Variants in SLC26A5 observed in about 807,000 individuals in gnomAD.
SLC26A5 encodes prestin.
SLC26A5 carries 51 observed loss-of-function variants against 81.0 expected under a neutral mutation model. The observed-to-expected ratio is 0.63, with a 90% CI of 0.50 to 0.80. The LOEUF is 0.80. Ranked by LOEUF, SLC26A5 falls within the 30% of genes least tolerant of loss-of-function variation. The pLI is 0.00. For missense variants in SLC26A5, 771 were observed against 905.8 expected, an observed-to-expected ratio of 0.85 and a Z score of 1.91; for synonymous variants, 325 against 332.8, an observed-to-expected ratio of 0.98 and a Z score of 0.25.
intron 4 of SLC26A5, 125 bp downstream of exon 4, chr7:103,420,613 A>G: frequency 7.8e-7 from 1 of 1,284,620 alleles, no homozygotes; most frequent in Non-Finnish European, 1.1e-6. Context: ...GAATACCTTT[A>G]GATAGGTAAA....
At position 103,402,385 on chromosome 7, in the gene SLC26A5, G is replaced by A. The variant is rs1332683833; in HGVS notation, c.889-4371C>T. On this transcript the variant is annotated intron_variant, in intron 8 of 19. Transcript: ENST00000306312. Reference sequence around the variant, plus strand: ...AGTATTCTCTGATGGTAGTTTGTACGTATTGCTCTTTTTTTTTTTTTTTTT... The same window carrying A: ...AGTATTCTCTGATGGTAGTTTGTACATATTGCTCTTTTTTTTTTTTTTTTT... Among the ~76,000 whole-genome samples, 6 of 144,858 alleles carry A rather than the reference G, an allele frequency of 4.1e-5. No individual in the cohort carries two copies. In the Admixed American group the frequency reaches 4.3e-4, roughly 10 times the overall value.
intron 14 of SLC26A5, among the ~76,000 whole-genome samples, chr7:103,387,839 G>A (rs1418507085): frequency 1.3e-5 from 2 of 152,010 alleles, no homozygotes; most frequent in Non-Finnish European, 2.9e-5. Context: ...ACGCCACCAT[G>A]CCCAGCTAAT....
intron 8 of SLC26A5, among the ~76,000 whole-genome samples, chr7:103,399,265 C>A (rs1823389560): frequency 6.6e-6 from 1 of 152,158 alleles, no homozygotes; most frequent in Non-Finnish European, 1.5e-5. Flanking sequence ...GCAAGCTGGT[C>A]ATTTACTTCA....
In SLC26A5 at chr7:103,407,857, G is replaced by A; in HGVS notation, c.882C>T (p.Phe294=). 2 of 1,614,074 alleles carry A rather than the reference G, an allele frequency of 1.2e-6. No individual in the cohort carries two copies. Among genetic ancestry groups the A allele is most frequent in the Non-Finnish European group, 1.7e-6 (2 of 1,179,984 alleles). ...EKLPAPIPLE[F]FAVVMGTGIS... is the part of the protein sequence containing the mutation. The stretch of plus-strand genomic sequence containing the variant: ...CTGACCGAAGGTGACTTACCGCAAA[G>A]AACTCTAAAGGAATAGGCGCCGGCA... Residue 294 remains phenylalanine, a synonymous_variant, in exon 8 of 20, where the codon TTC becomes TTT. Transcript: ENST00000306312.
chr7:103,378,337 T>C (rs1265488515), intron 17 of SLC26A5, 109 bp downstream of exon 17: 5 of 1,104,712 alleles, frequency 4.5e-6, no homozygotes, highest in Non-Finnish European at 6.9e-6. Context: ...GTTTCTAAAC[T>C]TTCCTCTTTT....
rs375832220 is a variant in SLC26A5, at chr7:103,411,417, T to C, written c.570+3A>G. 1.9e-6 allele frequency: 3 copies of C among 1,614,146 alleles called. No homozygotes were observed. Among genetic ancestry groups the C allele is most frequent in the Admixed American group, 1.7e-5 (1 of 60,030 alleles). On this transcript the variant is annotated splice_donor_region_variant and intron_variant, in intron 6 of 19. Coordinates refer to ENST00000306312, the MANE Select transcript of SLC26A5 (RefSeq NM_198999.3). Reference sequence around the variant, plus strand: ...AGTCCATTTCCCCATCTTTGAGCCTTACCTGAATGATTCCTGAAAGTAAGG... The same window carrying C: ...AGTCCATTTCCCCATCTTTGAGCCTCACCTGAATGATTCCTGAAAGTAAGG...
chr7:103,397,842 T>C, intron 9 of SLC26A5, 90 bp downstream of exon 9: 1 of 987,934 alleles, frequency 1.0e-6, no homozygotes, highest in East Asian at 2.4e-5. Flanking sequence ...AAAAGATTAT[T>C]TTTCATTGCA....
intron 2 of SLC26A5, among the ~76,000 whole-genome samples, chr7:103,428,401 T>C (rs1302693562): frequency 6.6e-6 from 1 of 152,178 alleles, no homozygotes; most frequent in Non-Finnish European, 1.5e-5. Flanking sequence ...TATTGAGATA[T>C]GACTGACATA....
intron 9 of SLC26A5, among the ~76,000 whole-genome samples, chr7:103,394,294 C>G (rs2116504126): frequency 6.6e-6 from 1 of 152,318 alleles, no homozygotes; most frequent in East Asian, 1.9e-4. Context: ...ATAGGTTCTA[C>G]TATTATCCCA....
chr7:103,398,405 T>C (rs1305147463), intron 8 of SLC26A5, among the ~76,000 whole-genome samples: 1 of 152,186 alleles, frequency 6.6e-6, no homozygotes, highest in East Asian at 1.9e-4. Flanking sequence ...GGTGGTACAA[T>C]GACACTGTAT....
intron 2 of SLC26A5, among the ~76,000 whole-genome samples, chr7:103,439,984 C>T (rs758863329): frequency 1.3e-5 from 2 of 152,198 alleles, no homozygotes; most frequent in South Asian, 2.1e-4. Context: ...GAAGCTTTTT[C>T]TGACCACCTT....
downstream of SLC26A5, among the ~76,000 whole-genome samples, chr7:103,371,571 T>C (rs922191195): frequency 2.6e-5 from 4 of 151,002 alleles, no homozygotes; most frequent in South Asian, 2.1e-4. Flanking sequence ...GTGATCTGCC[T>C]GCCTCGGCCT....
chr7:103,367,347 T>A lies in SLC26A5; in HGVS notation c.2041+9461A>T. On this transcript the variant is annotated intron_variant, in intron 19 of 19. Coordinates refer to the SLC26A5 transcript ENST00000339444. The surrounding 1 kb of genome is among the most constrained non-coding windows in gnomAD (Gnocchi z 6.1). ...ATTTGAGCTGAGATTTTTGGTACTT[T>A]CAGGTCATGCATAGTGCTACTCTTG... 6.0e-6 allele frequency: 9 copies of A among 1,511,374 alleles called. 1 individual carries two copies. In the Admixed American group the frequency reaches 1.5e-4, roughly 26 times the overall value. The allele number at this position is 1,511,374 out of a possible 1,614,324, so 93.6% of individuals were successfully genotyped here.
intron 19 of SLC26A5, among the ~76,000 whole-genome samples, chr7:103,364,955 A>G (rs543459477): frequency 6.3e-5 from 4 of 63,016 alleles, no homozygotes; most frequent in Non-Finnish European, 9.0e-5. Context: ...GTTTGTAGAC[A>G]TACATATATA....
At chr7:103,362,615 A>C in intron 19 of SLC26A5, 1 of 1,487,048 alleles carries the variant, frequency 6.7e-7, no homozygotes, top group Non-Finnish European at 9.3e-7. Context: ...TTTTGGGGAT[A>C]AAGGACTAAA....
At chr7:103,421,330 A>G (rs749387307) in intron 3 of SLC26A5, 33 bp downstream of exon 3, 1 of 1,612,712 alleles carries the variant, frequency 6.2e-7, no homozygotes, top group Admixed American at 1.7e-5. Context: ...ACTGAATGAT[A>G]CAATAACAGA....
intron 8 of SLC26A5, among the ~76,000 whole-genome samples, chr7:103,398,609 T>C (rs781729847): frequency 6.6e-6 from 1 of 152,152 alleles, no homozygotes; most frequent in Non-Finnish European, 1.5e-5. Flanking sequence ...TGGCAGGGCA[T>C]AGATTTACTT....
At chr7:103,390,270 T>G (rs1479141390) in intron 12 of SLC26A5, among the ~76,000 whole-genome samples, 159 bp downstream of exon 12, 1 of 152,000 alleles carries the variant, frequency 6.6e-6, no homozygotes, top group African/African-American at 2.4e-5. Flanking sequence ...TGTCAGTAGG[T>G]TATAGAGCAG....
downstream of SLC26A5, among the ~76,000 whole-genome samples, chr7:103,371,326 CTTT>C (rs770416053): frequency 2.1e-5 from 3 of 142,778 alleles, no homozygotes; most frequent in South Asian, 2.2e-4. Flanking sequence ...TTATACACTA[CTTT>C]TTTTTTTTTT....
Sources: gnomAD v4.1 joint callset for allele counts (sites outside exome capture counted in the v4.1 genomes callset) on GRCh38, gnomAD v4.1.1 for gene constraint, Gnocchi (gnomAD v3.1) non-coding constraint, MANE v1.5 for transcripts, NCBI Gene and HGNC (gene_info 2026-07-23, HGNC 2026-07-21) for gene names.